MSH5: variants seen among roughly 807,000 people sequenced by gnomAD.
MSH5 encodes the protein mutS protein homolog 5.
A neutral mutation model predicts 107.7 loss-of-function variants in MSH5; 78 were observed. The observed-to-expected ratio is 0.72, with a 90% CI of 0.60 to 0.87. MSH5 has a LOEUF of 0.87. Among genes scored for constraint, MSH5 ranks in the 40% least tolerant of loss-of-function variants. The pLI, the probability that MSH5 is intolerant of heterozygous loss-of-function variation, is 0.00. For synonymous variants in MSH5, 326 were observed against 399.5 expected (o/e 0.82, Z 2.19); for missense variants, 889 against 1,046.6 (o/e 0.85, Z 2.08).
intron 10 of MSH5, among the ~76,000 whole-genome samples, chr6:31,752,140 C>T (rs1810013624): frequency 6.7e-6 from 1 of 149,212 alleles, no homozygotes; most frequent in African/African-American, 2.5e-5. Flanking sequence ...TATCCATCAG[C>T]CAATTTAAGA....
chr6:31,740,754 A>G lies in MSH5; in HGVS notation c.147+141A>G. On this transcript the variant is annotated intron_variant, in intron 2 of 24. Transcript: ENST00000375750. This position sits in a 1 kb window ranked among gnomAD's most constrained non-coding sequence, Gnocchi z 4.4. ...GGCGGGCGGATCACCTGAGCTCAGG[A>G]GTTGGAGACCAGCCTGGGCAACATG... 2 of 954,636 alleles carry G rather than the reference A, an allele frequency of 2.1e-6. No homozygotes were observed. The highest frequency in any genetic ancestry group is 7.0e-5 in the Admixed American group (2 of 28,378). The allele number at this position is 954,636 out of a possible 1,614,324, so 59.1% of individuals were successfully genotyped here. A position where few individuals can be genotyped will look rare whatever the true frequency, so the allele number is the denominator to read the frequency against.
intron 9 of MSH5, 65 bp from the exon 10 acceptor site, chr6:31,747,322 A>G: frequency 6.4e-7 from 1 of 1,572,562 alleles, no homozygotes; most frequent in Non-Finnish European, 8.7e-7. Flanking sequence ...GCTTAGACAC[A>G]TAAACACATT....
rs954989099 is a variant in MSH5, at chr6:31,760,348, C to T, written c.1812+132C>T. On this transcript the variant is annotated intron_variant, in intron 19 of 24. Transcript: ENST00000375750. The surrounding 1 kb of genome is among the most constrained non-coding windows in gnomAD (Gnocchi z 5.6). ...CCGCTCTTCATGAAAGGACCATCACCCACATCCCTGTGCTTCCACCTCACA... is the reference window on the plus strand; with the variant it reads ...CCGCTCTTCATGAAAGGACCATCACTCACATCCCTGTGCTTCCACCTCACA... 1.1e-5 allele frequency: 14 copies of T among 1,250,228 alleles called. No homozygotes were observed. Among genetic ancestry groups the T allele is most frequent in the African/African-American group, 6.0e-5 (4 of 66,344 alleles). The allele number at this position is 1,250,228 out of a possible 1,614,324, so 77.4% of individuals were successfully genotyped here. A position where few individuals can be genotyped will look rare whatever the true frequency, so the allele number is the denominator to read the frequency against.
At chr6:31,753,008 C>T (rs1363902652) in intron 10 of MSH5, among the ~76,000 whole-genome samples, 1 of 152,204 alleles carries the variant, frequency 6.6e-6, no homozygotes, top group African/African-American at 2.4e-5. Flanking sequence ...ACACACTGCT[C>T]TCCTTCTAAA....
At position 31,760,555 on chromosome 6, in the gene MSH5, A is replaced by T; in HGVS notation, c.1813-135A>T. 8.4e-6 allele frequency: 10 copies of T among 1,186,792 alleles called. No individual in the cohort carries two copies. The South Asian group carries it at 1.3e-4, about 15-fold the overall frequency. 73.5% of individuals were successfully genotyped at this position (1,186,792 alleles called of 1,614,324 possible). A position where few individuals can be genotyped will look rare whatever the true frequency, so the allele number is the denominator to read the frequency against. The stretch of plus-strand genomic sequence containing the variant: ...GTCAGGATTCGGGGAGGAGAGACAG[A>T]GTCAGTGTGTCTGTTACCTATTTCT... On this transcript the variant is annotated intron_variant, in intron 19 of 24. Coordinates refer to ENST00000375750, the MANE Select transcript of MSH5 (RefSeq NM_172166.4). The surrounding 1 kb of genome is among the most constrained non-coding windows in gnomAD (Gnocchi z 5.6).
At position 31,762,104 on chromosome 6, in the gene MSH5, G is replaced by T; in HGVS notation, c.2320-8G>T. 6.2e-7 allele frequency: 1 copy of T among 1,614,034 alleles called. No homozygotes were observed. The highest frequency in any genetic ancestry group is 1.6e-4 in the Middle Eastern group (1 of 6,062). ...CCTTACTCCTCCCACCTTCTTGCTT[G>T]TTCCTAGGTCTCAGACTTGATCCGC... On this transcript the variant is annotated splice_region_variant and splice_polypyrimidine_tract_variant and intron_variant, in intron 23 of 24. Coordinates refer to ENST00000375750, the MANE Select transcript of MSH5 (RefSeq NM_172166.4).
intron 2 of MSH5, 134 bp from the exon 3 acceptor site, chr6:31,741,029 T>G: frequency 2.2e-4 from 258 of 1,171,008 alleles, no homozygotes; most frequent in East Asian, 2.4e-5. Context: ...TGAGTGGCTG[T>G]TTCACATTCA....
chr6:31,744,464 A>G (rs1809223647), intron 7 of MSH5, 82 bp from the exon 8 acceptor site: 1 of 1,569,470 alleles, frequency 6.4e-7, no homozygotes, highest in Non-Finnish European at 8.8e-7. Flanking sequence ...AGACTGGGAC[A>G]ATATTCAGAG....
rs748011614 is a variant in MSH5 at position 31,759,089 on chromosome 6, C to G, written c.1327-8C>G. On this transcript the variant is annotated splice_region_variant and splice_polypyrimidine_tract_variant and intron_variant, in intron 15 of 24. Coordinates refer to ENST00000375750, the MANE Select transcript of MSH5 (RefSeq NM_172166.4). The surrounding 1 kb of genome is among the most constrained non-coding windows in gnomAD (Gnocchi z 4.7). ...GAGAGTAGAGTATCTCCTCTTTACT[C>G]TCCCCAGATTGGCTTCCTTCTTTCT... The G allele has an allele frequency of 4.3e-6, 7 of 1,612,130 alleles. No individual in the cohort carries two copies. Among genetic ancestry groups the G allele is most frequent in the South Asian group, 1.1e-5 (1 of 91,064 alleles).
Position 31,758,585 on chromosome 6 carries a change from C to T in MSH5, c.1181C>T (p.Thr394Ile). ...FEGSLAENRFTVLPNIDPEID... is the reference protein window; with the variant it reads ...FEGSLAENRFIVLPNIDPEID... ...GGCAGCCTTGCTGAAAATCGCTTCA[C>T]AGTCCTCCCCAACATAGATCCTGAA... is the stretch of plus-strand genomic sequence containing the variant. The change falls in exon 14 of 25, where the codon ACA becomes ATA. Residue 394 changes from threonine to isoleucine, a missense_variant. Thr to Ile is a moderately conservative substitution (Grantham distance 89). Around this residue, in one of 3 missense-constraint regions of MSH5, gnomAD observed 518 missense variants for 565.0 expected, o/e 0.92. Coordinates refer to ENST00000375750, the MANE Select transcript of MSH5 (RefSeq NM_172166.4). This position sits in a 1 kb window ranked among gnomAD's most constrained non-coding sequence, Gnocchi z 5.1. 6.2e-7 allele frequency: 1 copy of T among 1,613,830 alleles called. No individual in the cohort carries two copies. Among genetic ancestry groups the T allele is most frequent in the Non-Finnish European group, 8.5e-7 (1 of 1,180,010 alleles).
rs1045289075 is a variant in MSH5, at chr6:31,758,769, A to G, written c.1220A>G (p.Lys407Arg). The G allele has an allele frequency of 3.7e-6, 6 of 1,614,136 alleles. No homozygotes were observed. The highest frequency in any genetic ancestry group is 5.1e-6 in the Non-Finnish European group (6 of 1,180,006). ...CACGTGTCTTCCACCCTCGTAGAAA[A>G]GCGAAGACTGATGGGACTTCCCAGT... ...PNIDPEIDEK[K>R]RRLMGLPSFL... The change falls in exon 15 of 25, where the codon AAG (lysine) becomes AGG (arginine). Residue 407 changes from lysine (K) to arginine (R), a missense_variant. Physicochemically the swap from Lys to Arg is conservative, Grantham distance 26. Transcript: ENST00000375750. The surrounding 1 kb of genome is among the most constrained non-coding windows in gnomAD (Gnocchi z 5.1).
rs1246912077 is a variant in MSH5 at position 31,743,987 on chromosome 6, T to C, written c.499T>C (p.Phe167Leu). 1 of 1,613,986 alleles carries C rather than the reference T, an allele frequency of 6.2e-7. No individual in the cohort carries two copies. Among genetic ancestry groups the C allele is most frequent in the Non-Finnish European group, 8.5e-7 (1 of 1,180,044 alleles). ...CATGACTGCCACTGAGAAAATCCTC[T>C]TCCTCTCTTCCATTATTCCCTTTGA... Reference protein sequence around the residue: ...DAMTATEKILFLSSIIPFDCL... With the variant: ...DAMTATEKILLLSSIIPFDCL... Residue 167 changes from phenylalanine (F) to leucine (L), a missense_variant, in exon 6 of 25, where the codon TTC (phenylalanine) becomes CTC (leucine). Around this residue, in one of 3 missense-constraint regions of MSH5, gnomAD observed 518 missense variants for 565.0 expected, o/e 0.92. Transcript: ENST00000375750.
intron 7 of MSH5, 63 bp downstream of exon 7, chr6:31,744,362 TG>T: frequency 1.2e-6 from 2 of 1,605,226 alleles, no homozygotes; most frequent in African/African-American, 1.3e-5. Flanking sequence ...AAAAGTAAAG[TG>T]GGGGTGGGGT....
In MSH5 at chr6:31,745,304, G is replaced by A. The variant is rs765804606; in HGVS notation, c.751G>A (p.Gly251Arg). The A allele has an allele frequency of 1.9e-6, 3 of 1,612,302 alleles. No homozygotes were observed. The highest frequency in any genetic ancestry group is 2.5e-6 in the Non-Finnish European group (3 of 1,178,498). Reference protein sequence around the residue: ...VYKVASGLKEGLSLFGILNRC... With the variant: ...VYKVASGLKERLSLFGILNRC... ...CAAAGTGGCCAGTGGACTGAAGGAG[G>A]GGCTCAGCCTCTTTGGTAGGTGTGC... The change falls in exon 9 of 25, where the codon GGG (glycine) becomes AGG (arginine). Residue 251 changes from glycine (G) to arginine (R), a missense_variant. Gly to Arg is a moderately radical substitution (Grantham distance 125). Around this residue, in one of 3 missense-constraint regions of MSH5, gnomAD observed 518 missense variants for 565.0 expected, o/e 0.92. Transcript: ENST00000375750.
Position 31,761,432 on chromosome 6 carries a change from T to C in MSH5, c.2038-40T>C, listed in dbSNP as rs1562250634. The C allele has an allele frequency of 6.2e-7, 1 of 1,610,534 alleles. No homozygotes were observed. Among genetic ancestry groups the C allele is most frequent in the Admixed American group, 1.7e-5 (1 of 59,944 alleles). ...TGCAAGTGCAGAGGGGCATATGGGG[T>C]CCCCATGGCTCCGAATGCTAACCTC... On this transcript the variant is annotated intron_variant, in intron 21 of 24. Coordinates refer to ENST00000375750, the MANE Select transcript of MSH5 (RefSeq NM_172166.4). The surrounding 1 kb of genome is among the most constrained non-coding windows in gnomAD (Gnocchi z 5.3).
Position 31,740,561 on chromosome 6 carries a change from G to C in MSH5, c.95G>C (p.Gly32Ala). 2.0e-6 allele frequency: 3 copies of C among 1,520,638 alleles called. No homozygotes were observed. Among genetic ancestry groups the C allele is most frequent in the Non-Finnish European group, 2.6e-6 (3 of 1,137,102 alleles). The allele number at this position is 1,520,638 out of a possible 1,614,324, so 94.2% of individuals were successfully genotyped here. The change falls in exon 2 of 25, where the codon GGC becomes GCC. Residue 32 changes from glycine (G) to alanine (A), a missense_variant. By Grantham distance (60) the Gly-to-Ala change is moderately conservative. Transcript: ENST00000375750. This position sits in a 1 kb window ranked among gnomAD's most constrained non-coding sequence, Gnocchi z 4.4. ...TTCCCCAGCCCGGCCCCAGTGCCGGGCCCCAGGGAGGCCGAGGAGGAGGAA... is the reference window on the plus strand; with the variant it reads ...TTCCCCAGCCCGGCCCCAGTGCCGGCCCCCAGGGAGGCCGAGGAGGAGGAA... ...SGFPSPAPVP[G>A]PREAEEEEVE...
intron 12 of MSH5, chr6:31,757,409 G>C (rs1222035048): frequency 6.6e-6 from 1 of 152,266 alleles, no homozygotes; most frequent in Non-Finnish European, 1.5e-5. Context: ...CTCCCAAAGT[G>C]CTGGGATTAC....
At chr6:31,750,516 G>A (rs574091987) in intron 10 of MSH5, among the ~76,000 whole-genome samples, 2 of 152,300 alleles carry the variant, frequency 1.3e-5, no homozygotes, top group South Asian at 2.1e-4. Flanking sequence ...ATCTTTTAAC[G>A]GTTTCATTTT....
rs1255922165 is a variant in MSH5, at chr6:31,745,432, CTT to C, written c.766+115_766+116del. The C allele has an allele frequency of 1.7e-5, 12 of 725,788 alleles. No individual in the cohort carries two copies. In the African/African-American group the frequency reaches 1.8e-4, roughly 11 times the overall value. The allele number at this position is 725,788 out of a possible 1,614,324, so 45.0% of individuals were successfully genotyped here. ...ACTTCACTCCCATTGTCAGATATCT[CTT>C]TCATGCCAATCCAAATTTCTTACCT... On this transcript the variant is annotated intron_variant, in intron 9 of 24. Transcript: ENST00000375750.
Sources: gnomAD v4.1 joint callset for allele counts (sites outside exome capture counted in the v4.1 genomes callset) on GRCh38, gnomAD v4.1.1 for gene constraint, gnomAD v4.1.1 regional missense constraint, Gnocchi (gnomAD v3.1) non-coding constraint, MANE v1.5 for transcripts, NCBI Gene and HGNC (gene_info 2026-07-23, HGNC 2026-07-21) for gene names.